Variants in CEP128 observed in about 807,000 individuals in gnomAD.
CEP128 encodes centrosomal protein 128.
In CEP128, 132 loss-of-function variants were observed where a neutral mutation model predicts 156.7. That is an observed-to-expected ratio of 0.84 (90% CI 0.73 to 0.97). The LOEUF is 0.97. CEP128 is among the 50% of genes least tolerant of loss of function. The pLI is 0.00. For missense variants in CEP128, 1,252 were observed against 1,281.9 expected, an observed-to-expected ratio of 0.98 and a Z score of 0.36; for synonymous variants, 469 against 448.9, an observed-to-expected ratio of 1.04 and a Z score of -0.57.
At chr14:80,823,937 T>A (rs112636549) in intron 13 of CEP128, among the ~76,000 whole-genome samples, 3 of 152,222 alleles carry the variant, frequency 2.0e-5, no homozygotes, top group Non-Finnish European at 2.9e-5. Flanking sequence ...TAGCAGAGGT[T>A]CTCCATGATG....
intron 21 of CEP128, among the ~76,000 whole-genome samples, chr14:80,534,361 A>G (rs1386388143): frequency 6.6e-6 from 1 of 152,232 alleles, no homozygotes; most frequent in Non-Finnish European, 1.5e-5. Context: ...GAATAGTTTA[A>G]AATAAGAAAC....
intron 23 of CEP128, among the ~76,000 whole-genome samples, chr14:80,525,047 G>T (rs184267029): frequency 3.2e-4 from 48 of 152,274 alleles, no homozygotes; most frequent in African/African-American, 1.1e-3. Context: ...AGCAATTTGG[G>T]TGCCACCAGA....
chr14:80,687,341 A>G (rs1896560750), intron 19 of CEP128, among the ~76,000 whole-genome samples: 1 of 152,154 alleles, frequency 6.6e-6, no homozygotes, highest in African/African-American at 2.4e-5. Flanking sequence ...GAGCCTATCA[A>G]TAGTGGACTG....
At chr14:80,601,487 A>G (rs908460974) in intron 19 of CEP128, among the ~76,000 whole-genome samples, 3 of 152,152 alleles carry the variant, frequency 2.0e-5, no homozygotes, top group Non-Finnish European at 4.4e-5. Context: ...AAAGTTTACA[A>G]ATTTTGGGGG....
At chr14:80,709,203 G>A (rs1213693946) in intron 19 of CEP128, among the ~76,000 whole-genome samples, 1 of 151,160 alleles carries the variant, frequency 6.6e-6, no homozygotes, top group Non-Finnish European at 1.5e-5. Context: ...GCAATGGCAT[G>A]ACCTCAGCCA....
downstream of CEP128, among the ~76,000 whole-genome samples, chr14:80,494,994 C>G (rs975907895): frequency 2.3e-4 from 35 of 152,172 alleles, no homozygotes; most frequent in African/African-American, 8.4e-4. Flanking sequence ...GTTTCTCCCC[C>G]TGTAGCCTTC....
chr14:80,899,930 G>A lies in CEP128; in HGVS notation c.572+8C>T, dbSNP rs1883435867. ...ATCCCTCCCATAAAAACCATAGGCTGCTTTTACCGGCTCCTTCTGGAAAGC... is the reference window on the plus strand; with the variant it reads ...ATCCCTCCCATAAAAACCATAGGCTACTTTTACCGGCTCCTTCTGGAAAGC... On this transcript the variant is annotated splice_region_variant and intron_variant, in intron 7 of 24. Transcript: ENST00000555265. The A allele has an allele frequency of 1.3e-6, 2 of 1,599,044 alleles. No individual in the cohort carries two copies. The highest frequency in any genetic ancestry group is 4.5e-5 in the East Asian group (2 of 44,760).
chr14:80,624,406 C>T (rs929411565), intron 19 of CEP128, among the ~76,000 whole-genome samples: 6 of 151,972 alleles, frequency 3.9e-5, no homozygotes, highest in African/African-American at 1.2e-4. Context: ...GGTACCTCTT[C>T]GATATACTAA....
intron 8 of CEP128, among the ~76,000 whole-genome samples, chr14:80,872,151 T>C (rs185225810): frequency 4.6e-5 from 7 of 152,218 alleles, no homozygotes; most frequent in African/African-American, 1.7e-4. Context: ...TAGAATTGAC[T>C]TTTTCCTCCA....
At chr14:80,730,310 C>T (rs1197583420) in intron 19 of CEP128, among the ~76,000 whole-genome samples, 1 of 152,148 alleles carries the variant, frequency 6.6e-6, no homozygotes, top group African/African-American at 2.4e-5. Context: ...TGCATTCTTA[C>T]ACCTTAGCTA....
chr14:80,737,395 C>T (rs1033079759), intron 19 of CEP128, among the ~76,000 whole-genome samples: 3 of 149,834 alleles, frequency 2.0e-5, no homozygotes, highest in African/African-American at 5.1e-5. Flanking sequence ...CAGAGCAAGA[C>T]TCTGTCTGAA....
At chr14:80,858,510 C>T (rs1566675348) in intron 9 of CEP128, among the ~76,000 whole-genome samples, 2 of 115,658 alleles carry the variant, frequency 1.7e-5, no homozygotes, top group Non-Finnish European at 3.5e-5. Flanking sequence ...TCTAAAACAC[C>T]AAAAGCAATG....
intron 22 of CEP128, chr14:80,527,260 C>G (rs1304760252): frequency 2.1e-6 from 1 of 487,774 alleles, no homozygotes; most frequent in Non-Finnish European, 4.0e-6. Context: ...GAAACCTCAC[C>G]TCTACAAAAA....
At chr14:80,938,374 G>A (rs766108362) in intron 2 of CEP128, among the ~76,000 whole-genome samples, 26 of 150,668 alleles carry the variant, frequency 1.7e-4, no homozygotes, top group Non-Finnish European at 2.8e-4. Context: ...AGCCTCCCAA[G>A]TAGCTGGGAC....
intron 20 of CEP128, among the ~76,000 whole-genome samples, chr14:80,559,540 A>G (rs1407367731): frequency 1.3e-5 from 2 of 152,174 alleles, no homozygotes; most frequent in Non-Finnish European, 2.9e-5. Flanking sequence ...TAAATGCTAC[A>G]ATTCTAGTAC....
At chr14:80,627,430 C>A (rs1893774852) in intron 19 of CEP128, among the ~76,000 whole-genome samples, 1 of 152,206 alleles carries the variant, frequency 6.6e-6, no homozygotes, top group African/African-American at 2.4e-5. Flanking sequence ...AAGAACGCAT[C>A]ACATGAAGTG....
In CEP128 at chr14:80,618,876, T is replaced by C. The variant is rs536698981; in HGVS notation, c.2807-38453A>G. ...CCTGCGTATTTGTATCTCTAGTACATTCCCAGGTAATGCTGATGCTACTGG... is the reference window on the plus strand; with the variant it reads ...CCTGCGTATTTGTATCTCTAGTACACTCCCAGGTAATGCTGATGCTACTGG... On this transcript the variant is annotated intron_variant, in intron 19 of 24. Transcript: ENST00000555265. Among the ~76,000 whole-genome samples, 7 of 152,354 alleles carry C rather than the reference T, an allele frequency of 4.6e-5. No individual in the cohort carries two copies. The East Asian group carries it at 9.6e-4, about 21-fold the overall frequency.
intron 19 of CEP128, among the ~76,000 whole-genome samples, chr14:80,660,468 T>A (rs560922379): frequency 1.3e-5 from 2 of 152,216 alleles, no homozygotes; most frequent in African/African-American, 4.8e-5. Context: ...AGATCTCTTA[T>A]CAGATCTTAC....
At chr14:80,578,716 T>C (rs1344663366) in intron 20 of CEP128, among the ~76,000 whole-genome samples, 3 of 152,200 alleles carry the variant, frequency 2.0e-5, no homozygotes, top group Admixed American at 2.0e-4. Flanking sequence ...TATGTGAATA[T>C]AGAAACTCAG....
Sources: gnomAD v4.1 joint callset for allele counts (sites outside exome capture counted in the v4.1 genomes callset) on GRCh38, gnomAD v4.1.1 for gene constraint, MANE v1.5 for transcripts, NCBI Gene and HGNC (gene_info 2026-07-23, HGNC 2026-07-21) for gene names.